The following PCDH15 variants were observed in gnomAD, a reference collection of about 807,000 sequenced individuals.
The protein encoded by PCDH15 is protocadherin related 15, also known as protocadherin-15.
In PCDH15, 129 loss-of-function variants were observed where a neutral mutation model predicts 178.5. The observed-to-expected ratio is 0.72, with a 90% confidence interval of 0.63 to 0.84. The LOEUF (loss-of-function observed/expected upper bound fraction) is 0.84, where lower values mean the gene tolerates loss of function less well. PCDH15 is among the 40% of genes least tolerant of loss of function. The pLI, the probability that PCDH15 is intolerant of heterozygous loss-of-function variation, is 0.00. For missense variants in PCDH15, 2,230 were observed against 2,099.9 expected, an observed-to-expected ratio of 1.06 and a Z score of -1.21; for synonymous variants, 800 against 732.0, an observed-to-expected ratio of 1.09 and a Z score of -1.50.
rs74815122 is a variant in PCDH15 at position 54,895,483 on chromosome 10, T to C, written c.-29+1967A>G. On this transcript the variant is annotated intron_variant, in intron 3 of 5. Transcript: ENST00000458638. ...ATATTTGAAAAACTTATTTCATCAT[T>C]ACTGTATTTTTACACTTTCTGTTCT... Among the ~76,000 whole-genome samples the C allele has an allele frequency of 4.3e-4, 65 of 152,312 alleles. 1 individual carries two copies. The East Asian group carries it at 0.012, about 28-fold the overall frequency.
At chr10:54,386,898 C>T (rs1949998965) in intron 3 of PCDH15, among the ~76,000 whole-genome samples, 1 of 151,992 alleles carries the variant, frequency 6.6e-6, no homozygotes, top group Non-Finnish European at 1.5e-5. Context: ...ATTTCAGTTA[C>T]ACAAAAGAAA....
chr10:54,924,193 A>T (rs1403189725), intron 2 of PCDH15, among the ~76,000 whole-genome samples: 1 of 136,830 alleles, frequency 7.3e-6, no homozygotes, highest in Non-Finnish European at 1.7e-5. Context: ...AAACAACCAG[A>T]CCTCATGAGA....
chr10:55,013,399 G>C (rs1011395320), intron 2 of PCDH15, among the ~76,000 whole-genome samples: 1 of 134,358 alleles, frequency 7.4e-6, no homozygotes, highest in African/African-American at 2.8e-5. Context: ...GCAAGAATTG[G>C]CACCTGGTTA....
chr10:54,603,888 T>C lies in PCDH15; in HGVS notation c.91+60284A>G, dbSNP rs114579066. Among the ~76,000 whole-genome samples, 639 of 152,164 alleles carry C rather than the reference T, an allele frequency of 4.2e-3. 6 individuals are homozygous for C. The highest frequency in any genetic ancestry group is 0.015 in the African/African-American group (613 of 41,560). On this transcript the variant is annotated intron_variant, in intron 2 of 37. Coordinates refer to ENST00000644397, the MANE Select transcript of PCDH15 (RefSeq NM_001384140.1). ...ATTGCACAGCTTTAGCAGTAGTGCATTGGCAATGGAAAACAGATTGGGCCC... is the reference window on the plus strand; with the variant it reads ...ATTGCACAGCTTTAGCAGTAGTGCACTGGCAATGGAAAACAGATTGGGCCC...
intron 15 of PCDH15, among the ~76,000 whole-genome samples, chr10:54,097,370 G>A (rs561227201): frequency 5.9e-5 from 9 of 152,138 alleles, no homozygotes; most frequent in African/African-American, 2.2e-4. Context: ...CTAAACTTCG[G>A]GGTCTTACCT....
chr10:54,366,592 A>G (rs1207638450), intron 5 of PCDH15, among the ~76,000 whole-genome samples: 10 of 152,068 alleles, frequency 6.6e-5, no homozygotes, highest in Admixed American at 1.3e-4. Flanking sequence ...GATAATTCAT[A>G]ATTTATAATT....
At chr10:54,764,387 C>T (rs368749536) in intron 1 of PCDH15, among the ~76,000 whole-genome samples, 12 of 152,098 alleles carry the variant, frequency 7.9e-5, no homozygotes, top group African/African-American at 1.7e-4. Flanking sequence ...CTATGAACCA[C>T]TGTTATGCAA....
intron 10 of PCDH15, among the ~76,000 whole-genome samples, chr10:54,198,825 A>G (rs969635157): frequency 6.6e-6 from 1 of 152,182 alleles, no homozygotes; most frequent in Non-Finnish European, 1.5e-5. Flanking sequence ...TAAAAATGCT[A>G]TGAAAAGTCA....
Position 55,080,299 on chromosome 10 carries a change from A to G in PCDH15, c.-80+86277T>C, listed in dbSNP as rs762179798. On this transcript the variant is annotated intron_variant, in intron 2 of 5. Transcript: ENST00000458638. Reference sequence around the variant, plus strand: ...CCTGTCAGATCAGCAGTGGCATTAGATTCTCATAGGAGTGCAAACCCTATT... The same window carrying G: ...CCTGTCAGATCAGCAGTGGCATTAGGTTCTCATAGGAGTGCAAACCCTATT... 6.8e-4 allele frequency among the ~76,000 whole-genome samples: 104 copies of G among 152,266 alleles called. 1 individual carries two copies. Among genetic ancestry groups the G allele is most frequent in the Admixed American group, 1.7e-3 (26 of 15,294 alleles).
chr10:54,605,376 G>A (rs2092701674), intron 2 of PCDH15, among the ~76,000 whole-genome samples: 1 of 151,818 alleles, frequency 6.6e-6, no homozygotes, highest in African/African-American at 2.4e-5. Flanking sequence ...TTTGTCTTAA[G>A]TTTTAAAGGA....
At chr10:54,278,942 G>T (rs2058509741) in intron 8 of PCDH15, among the ~76,000 whole-genome samples, 1 of 151,316 alleles carries the variant, frequency 6.6e-6, no homozygotes. Context: ...GCACTTACTT[G>T]TTGTTTCTAA....
chr10:54,257,151 T>TTTTTTTAG (rs2056966512), intron 8 of PCDH15, among the ~76,000 whole-genome samples: 1 of 152,070 alleles, frequency 6.6e-6, no homozygotes, highest in Non-Finnish European at 1.5e-5. Flanking sequence ...TTTTAGGTAA[T>TTTTTTTAG]GTTCCTTGTC....
intron 3 of PCDH15, among the ~76,000 whole-genome samples, chr10:54,526,546 A>G (rs2083381433): frequency 6.6e-6 from 1 of 152,074 alleles, no homozygotes; most frequent in South Asian, 2.1e-4. Context: ...GTATTTTAAT[A>G]TTTTTTCTCT....
rs144322681 is a variant in PCDH15, at chr10:55,398,696, T to C, written c.-156+228929A>G. Among the ~76,000 whole-genome samples, 7 of 152,296 alleles carry C rather than the reference T, an allele frequency of 4.6e-5. No individual in the cohort carries two copies. In the East Asian group the frequency reaches 5.8e-4, roughly 13 times the overall value. ...TTGCACTACTCACCATCTGGCATAT[T>C]ATATGCTTGGCTCACTTAATTGTTT... On this transcript the variant is annotated intron_variant, in intron 2 of 5. Transcript: ENST00000613346.
At chr10:55,006,232 T>C (rs1839925413) in intron 2 of PCDH15, among the ~76,000 whole-genome samples, 1 of 152,104 alleles carries the variant, frequency 6.6e-6, no homozygotes, top group South Asian at 2.1e-4. Flanking sequence ...TATCCTTTGA[T>C]CAATATCTCT....
intron 2 of PCDH15, among the ~76,000 whole-genome samples, chr10:55,080,006 C>T (rs903591438): frequency 6.6e-6 from 1 of 151,978 alleles, no homozygotes; most frequent in Non-Finnish European, 1.5e-5. Flanking sequence ...AAGAATCTGG[C>T]CTCAGGGCTC....
intron 2 of PCDH15, among the ~76,000 whole-genome samples, chr10:55,558,051 C>A (rs984809089): frequency 1.3e-5 from 2 of 152,072 alleles, no homozygotes; most frequent in Admixed American, 1.3e-4. Flanking sequence ...ACTATGCCAA[C>A]TGACATCTGC....
At chr10:55,434,586 A>T (rs2132061067) in intron 2 of PCDH15, among the ~76,000 whole-genome samples, 1 of 148,998 alleles carries the variant, frequency 6.7e-6, no homozygotes, top group African/African-American at 2.5e-5. Context: ...ATATTTAATT[A>T]TTCAATTACA....
intron 15 of PCDH15, among the ~76,000 whole-genome samples, chr10:54,130,372 A>G (rs1189320137): frequency 6.6e-6 from 1 of 152,128 alleles, no homozygotes; most frequent in African/African-American, 2.4e-5. Flanking sequence ...GGCTCTCACG[A>G]TTTCGGCGCG....
Sources: gnomAD v4.1 joint callset for allele counts (sites outside exome capture counted in the v4.1 genomes callset) on GRCh38, gnomAD v4.1.1 for gene constraint, MANE v1.5 for transcripts, NCBI Gene and HGNC (gene_info 2026-07-23, HGNC 2026-07-21) for gene names.